The following KSR2 variants were observed in gnomAD, a reference collection of about 807,000 sequenced individuals.
The protein encoded by KSR2 is kinase suppressor of ras 2.
A neutral mutation model predicts 107.8 loss-of-function variants in KSR2; 25 were observed. The ratio of observed to expected loss-of-function variants is 0.23; its 90% CI spans 0.17 to 0.32. The LOEUF is 0.32. Among genes scored for constraint, KSR2 ranks in the 10% least tolerant of loss-of-function variants. The pLI is 1.00. For missense variants in KSR2, 887 were observed against 1,268.9 expected (o/e 0.70, Z 4.57); for synonymous variants, 480 against 507.0 (o/e 0.95, Z 0.71).
chr12:117,489,815 G>A lies in KSR2; in HGVS notation c.2220-4124C>T, dbSNP rs548907989. Among the ~76,000 whole-genome samples, 3 of 152,284 alleles carry A rather than the reference G, an allele frequency of 2.0e-5. No homozygotes were observed. In the East Asian group the frequency reaches 5.8e-4, roughly 29 times the overall value. On this transcript the variant is annotated intron_variant, in intron 14 of 19. Transcript: ENST00000339824. ...GAAAGCTGAGCTTTAAAGATGAGCAGGCCTCAGGCAGATGTCCAGGATGAC... is the reference window on the plus strand; with the variant it reads ...GAAAGCTGAGCTTTAAAGATGAGCAAGCCTCAGGCAGATGTCCAGGATGAC...
chr12:117,736,924 C>T (rs1050198682), intron 4 of KSR2, among the ~76,000 whole-genome samples: 1 of 152,158 alleles, frequency 6.6e-6, no homozygotes, highest in Admixed American at 6.5e-5. Context: ...TTTTCTTCTC[C>T]CTACCAAGAA....
intron 1 of KSR2, among the ~76,000 whole-genome samples, chr12:117,961,722 A>G (rs1756556782): frequency 6.6e-6 from 1 of 152,192 alleles, no homozygotes; most frequent in South Asian, 2.1e-4. Context: ...CCTCCAACCA[A>G]GCCCAACCCA....
chr12:117,735,491 T>C lies in KSR2; in HGVS notation c.986+25520A>G, dbSNP rs573223438. Among the ~76,000 whole-genome samples the C allele has an allele frequency of 5.9e-5, 9 of 152,316 alleles. No individual in the cohort carries two copies. The South Asian group carries it at 6.2e-4, about 11-fold the overall frequency. ...TGATGTCTCTCAGGAAACCCTGCATTTTCCTGTATACAAGACTGGCTTTTT... is the reference window on the plus strand; with the variant it reads ...TGATGTCTCTCAGGAAACCCTGCATCTTCCTGTATACAAGACTGGCTTTTT... On this transcript the variant is annotated intron_variant, in intron 4 of 19. Coordinates refer to ENST00000339824, the MANE Select transcript of KSR2 (RefSeq NM_173598.6).
rs1029486573 is a variant in KSR2 at position 117,850,790 on chromosome 12, C to G, written c.472+4638G>C. ...CGCCACTACACTCCAGGCTGGGCAA[C>G]AAAGCAAGACCCCATCTCAAAAAAA... is the stretch of plus-strand genomic sequence containing the variant. On this transcript the variant is annotated intron_variant, in intron 3 of 19. Transcript: ENST00000339824. Among the ~76,000 whole-genome samples the G allele has an allele frequency of 1.0e-4, 13 of 129,864 alleles. No homozygotes were observed. The East Asian group carries it at 2.8e-3, about 28-fold the overall frequency. The allele number at this position is 129,864 out of a possible 152,430, so 85.2% of individuals were successfully genotyped here.
chr12:117,923,938 G>A (rs1895422841), intron 1 of KSR2, among the ~76,000 whole-genome samples: 1 of 151,080 alleles, frequency 6.6e-6, no homozygotes. Flanking sequence ...GAGTGCAATG[G>A]TGTGATCTCG....
In KSR2 at chr12:117,767,784, CAAA is replaced by C. The variant is rs35307926; in HGVS notation, c.473-6263_473-6261del. Among the ~76,000 whole-genome samples, 425 of 85,758 alleles carry C rather than the reference CAAA, an allele frequency of 5.0e-3. 3 individuals are homozygous for C. Among genetic ancestry groups the C allele is most frequent in the Middle Eastern group, 0.018 (3 of 170 alleles). 56.3% of individuals were successfully genotyped at this position (85,758 alleles called of 152,430 possible). On this transcript the variant is annotated intron_variant, in intron 3 of 19. Coordinates refer to ENST00000339824, the MANE Select transcript of KSR2 (RefSeq NM_173598.6). ...TGGGAGACAGAGCAAGACTCCGTCT[CAAA>C]AAAAAAAAAAAAAAAAAAATTCGAG...
At chr12:117,735,345 T>G (rs1364599120) in intron 4 of KSR2, among the ~76,000 whole-genome samples, 1 of 152,114 alleles carries the variant, frequency 6.6e-6, no homozygotes, top group African/African-American at 2.4e-5. Flanking sequence ...CAAGTGACAT[T>G]CCCTCCCAGA....
At chr12:117,668,218 T>G (rs917559247) in intron 4 of KSR2, among the ~76,000 whole-genome samples, 2 of 152,232 alleles carry the variant, frequency 1.3e-5, no homozygotes. Context: ...CTAAGTAGAC[T>G]AAGCCTTCGG....
At chr12:117,838,232 A>C (rs1432614516) in intron 3 of KSR2, among the ~76,000 whole-genome samples, 1 of 152,248 alleles carries the variant, frequency 6.6e-6, no homozygotes, top group Non-Finnish European at 1.5e-5. Context: ...CAATGGCACA[A>C]TCTCAGCTCA....
chr12:117,533,010 T>C (rs559383396), intron 10 of KSR2, among the ~76,000 whole-genome samples: 17 of 152,206 alleles, frequency 1.1e-4, no homozygotes, highest in Non-Finnish European at 1.5e-4. Context: ...CCTTGGCTAT[T>C]TGTAGAAGCT....
rs1877887551 is a variant in KSR2 at position 117,558,727 on chromosome 12, T to C, written c.1326-154A>G. 1.5e-5 allele frequency among the ~76,000 whole-genome samples: 2 copies of C among 133,254 alleles called. 1 individual carries two copies. The highest frequency in any genetic ancestry group is 5.8e-5 in the African/African-American group (2 of 34,428). The allele number at this position is 133,254 out of a possible 152,430, so 87.4% of individuals were successfully genotyped here. ...GATGGGGGATAGATGGGTGAGTAGA[T>C]GAATGGGTGAATGGATTCACGGATG... On this transcript the variant is annotated intron_variant, in intron 7 of 19. Coordinates refer to ENST00000339824, the MANE Select transcript of KSR2 (RefSeq NM_173598.6).
chr12:117,608,763 A>G (rs1261735149), intron 5 of KSR2, among the ~76,000 whole-genome samples: 3 of 152,120 alleles, frequency 2.0e-5, no homozygotes, highest in Admixed American at 2.0e-4. Context: ...TGGAGAAGGG[A>G]CCAATGAAAG....
At chr12:117,827,118 C>T (rs1057096433) in intron 3 of KSR2, among the ~76,000 whole-genome samples, 1 of 151,420 alleles carries the variant, frequency 6.6e-6, no homozygotes, top group Non-Finnish European at 1.5e-5. Flanking sequence ...GAGCTCTGCT[C>T]CTGACTTCAA....
intron 1 of KSR2, among the ~76,000 whole-genome samples, chr12:117,947,234 AAAGAAAGAAAGAAAGAAAGAAAG>A (rs1896222830): frequency 8.2e-6 from 1 of 121,632 alleles, no homozygotes; most frequent in African/African-American, 3.4e-5. Flanking sequence ...AGAAAGAAAG[AAAGAAAGAAAGAAAGAAAGAAAG>A]AAGATAAACC....
At position 117,794,323 on chromosome 12, in the gene KSR2, T is replaced by TCACACCAACATGCACA. The variant is rs1566019027; in HGVS notation, c.473-32815_473-32800dup. On this transcript the variant is annotated intron_variant, in intron 3 of 19. Coordinates refer to ENST00000339824, the MANE Select transcript of KSR2 (RefSeq NM_173598.6). ...AACATGCACACACACCAACATGCAC[T>TCACACCAACATGCACA]CACACCAACATGCACACTCACACCA... Among the ~76,000 whole-genome samples, 127 of 18,844 alleles carry TCACACCAACATGCACA rather than the reference T, an allele frequency of 6.7e-3. 1 individual carries two copies. The highest frequency in any genetic ancestry group is 6.9e-3 in the Non-Finnish European group (86 of 12,408). The allele number at this position is 18,844 out of a possible 152,430, so 12.4% of individuals were successfully genotyped here.
At chr12:117,612,296 C>T (rs368787083) in intron 5 of KSR2, among the ~76,000 whole-genome samples, 27 of 150,866 alleles carry the variant, frequency 1.8e-4, no homozygotes, top group Non-Finnish European at 2.9e-4. Flanking sequence ...CCCAGCTACT[C>T]GGGAGGCTGA....
chr12:117,556,120 G>A lies in KSR2; in HGVS notation c.1394-827C>T, dbSNP rs373038830. ...ATTTTCAACTTCCAACCAACGGAGA[G>A]AAAAAGCAAGAAGCTGGTGGATTTC... On this transcript the variant is annotated intron_variant, in intron 8 of 19. Transcript: ENST00000339824. Among the ~76,000 whole-genome samples the A allele has an allele frequency of 2.4e-4, 35 of 145,316 alleles. No homozygotes were observed. In the East Asian group the frequency reaches 3.8e-3, roughly 16 times the overall value.
intron 3 of KSR2, among the ~76,000 whole-genome samples, chr12:117,829,569 G>A (rs917160422): frequency 1.3e-5 from 2 of 152,228 alleles, no homozygotes; most frequent in Admixed American, 1.3e-4. Flanking sequence ...GGGCCTACTT[G>A]TTTACAAGCA....
chr12:117,796,598 C>T (rs1354619250), intron 3 of KSR2, among the ~76,000 whole-genome samples: 1 of 152,138 alleles, frequency 6.6e-6, no homozygotes, highest in African/African-American at 2.4e-5. Flanking sequence ...AAATCCCAGC[C>T]CTGCCCTTAC....
Sources: allele counts gnomAD v4.1 joint callset (sites outside exome capture counted in the v4.1 genomes callset), GRCh38; gene constraint gnomAD v4.1.1; transcripts MANE v1.5; gene names NCBI Gene and HGNC (gene_info 2026-07-23, HGNC 2026-07-21).